ZFAT: variants seen among roughly 807,000 people sequenced by gnomAD.
ZFAT encodes the protein zinc finger and AT-hook domain containing, also known as zinc finger protein ZFAT.
A neutral mutation model predicts 117.7 loss-of-function variants in ZFAT; 64 were observed. The observed-to-expected ratio is 0.54, with a 90% CI of 0.44 to 0.67. The LOEUF (loss-of-function observed/expected upper bound fraction) is 0.67, where lower values mean the gene tolerates loss of function less well. Among genes scored for constraint, ZFAT ranks in the 30% least tolerant of loss-of-function variants. ZFAT has a pLI of 0.00. For missense variants in ZFAT, 1,433 were observed against 1,584.5 expected (o/e 0.90, Z 1.62); for synonymous variants, 679 against 615.0 (o/e 1.10, Z -1.54).
chr8:134,632,937 C>A (rs1586854650), intron 3 of ZFAT, among the ~76,000 whole-genome samples: 1 of 152,136 alleles, frequency 6.6e-6, no homozygotes, highest in East Asian at 1.9e-4. Flanking sequence ...AAACTGTTCA[C>A]AAAAGAGACT....
At chr8:134,732,415 G>A in the ZFAT span, among the ~76,000 whole-genome samples, 1 of 152,178 alleles carries the variant, frequency 6.6e-6, no homozygotes, top group Admixed American at 6.5e-5. Context: ...TGAGGAAGGG[G>A]CTTGTCACAA....
chr8:134,821,946 G>C, the ZFAT span, among the ~76,000 whole-genome samples: 1 of 152,082 alleles, frequency 6.6e-6, no homozygotes, highest in Non-Finnish European at 1.5e-5. Flanking sequence ...AAGTTGTTTG[G>C]TCTAATAAAC....
chr8:134,579,674 C>T (rs1177119886), intron 10 of ZFAT, among the ~76,000 whole-genome samples: 1 of 152,090 alleles, frequency 6.6e-6, no homozygotes, highest in African/African-American at 2.4e-5. Flanking sequence ...AAAAAAAGAA[C>T]ACATGGTGGC....
chr8:134,638,928 C>T (rs1449253544), intron 2 of ZFAT, among the ~76,000 whole-genome samples: 1 of 152,086 alleles, frequency 6.6e-6, no homozygotes, highest in Non-Finnish European at 1.5e-5. Context: ...CTTCAGCAAC[C>T]CTCTTTGAAC....
intron 4 of ZFAT, among the ~76,000 whole-genome samples, chr8:134,609,189 C>T (rs917873375): frequency 6.6e-6 from 1 of 151,664 alleles, no homozygotes; most frequent in African/African-American, 2.4e-5. Context: ...TATGTATATA[C>T]ATATACATAT....
chr8:134,719,091 C>T, the ZFAT span, among the ~76,000 whole-genome samples: 1 of 152,204 alleles, frequency 6.6e-6, no homozygotes, highest in African/African-American at 2.4e-5. Flanking sequence ...CTAGAGCAGA[C>T]AGCTTTGGAG....
At chr8:134,592,168 C>A (rs1383205651) in intron 7 of ZFAT, among the ~76,000 whole-genome samples, 1 of 152,230 alleles carries the variant, frequency 6.6e-6, no homozygotes, top group Non-Finnish European at 1.5e-5. Context: ...CTACTGTGAG[C>A]TCCCCAAGGC....
At chr8:134,769,458 C>T in the ZFAT span, among the ~76,000 whole-genome samples, 1 of 152,180 alleles carries the variant, frequency 6.6e-6, no homozygotes, top group Non-Finnish European at 1.5e-5. Flanking sequence ...CTCACTGATG[C>T]AAGAGGTGGG....
At chr8:134,668,791 G>A (rs924446958) in intron 1 of ZFAT, among the ~76,000 whole-genome samples, 7 of 152,156 alleles carry the variant, frequency 4.6e-5, no homozygotes, top group African/African-American at 7.2e-5. Flanking sequence ...GGCTTCAGAC[G>A]ATTGAACTTC....
the ZFAT span, among the ~76,000 whole-genome samples, chr8:134,825,573 C>T: frequency 1.3e-3 from 201 of 152,322 alleles, 1 homozygote; most frequent in African/African-American, 4.6e-3. Flanking sequence ...TCTATCAGCG[C>T]ATTAGAAGTT....
At chr8:134,597,885 A>G (rs1193915722) in intron 7 of ZFAT, 3 of 152,256 alleles carry the variant, frequency 2.0e-5, no homozygotes, top group Admixed American at 6.5e-5. Context: ...TTGTAAGGTC[A>G]ACTGAGTCAC....
In ZFAT at chr8:134,513,197, C is replaced by CTT. The variant is rs763874079; in HGVS notation, c.3235-598_3235-597dup. Among the ~76,000 whole-genome samples, 139 of 132,964 alleles carry CTT rather than the reference C, an allele frequency of 1.0e-3. 1 individual carries two copies. The highest frequency in any genetic ancestry group is 2.7e-3 in the African/African-American group (96 of 35,734). The allele number at this position is 132,964 out of a possible 152,430, so 87.2% of individuals were successfully genotyped here. ...GTTCAGAAAATCTTAGCTATTTGTG[C>CTT]TTTTTTTTTTTTTTTTTTGAGACAG... On this transcript the variant is annotated intron_variant, in intron 13 of 15. Coordinates refer to ENST00000377838, the MANE Select transcript of ZFAT (RefSeq NM_020863.4).
rs776278299 is a variant in ZFAT, at chr8:134,588,413, T to C, written c.2564-18A>G. The C allele has an allele frequency of 6.4e-7, 1 of 1,561,258 alleles. No homozygotes were observed. The highest frequency in any genetic ancestry group is 1.2e-5 in the South Asian group (1 of 83,482). On this transcript the variant is annotated intron_variant, in intron 8 of 15. Coordinates refer to ENST00000377838, the MANE Select transcript of ZFAT (RefSeq NM_020863.4). ...GGAGACCTCTAGAAGAAAAGCAGGATGTCAAAAGGAGTCAGAGCACCTCAG... is the reference window on the plus strand; with the variant it reads ...GGAGACCTCTAGAAGAAAAGCAGGACGTCAAAAGGAGTCAGAGCACCTCAG...
chr8:134,752,149 C>T, the ZFAT span, among the ~76,000 whole-genome samples: 1 of 152,188 alleles, frequency 6.6e-6, no homozygotes, highest in East Asian at 1.9e-4. Context: ...CATCACTGCT[C>T]ACCTTTGCAG....
the ZFAT span, among the ~76,000 whole-genome samples, chr8:134,753,201 TA>T: frequency 1.3e-5 from 2 of 150,144 alleles, no homozygotes; most frequent in Admixed American, 6.7e-5. Flanking sequence ...TCCCTGTCTC[TA>T]AAAAAAACAA....
At chr8:134,825,363 C>T in the ZFAT span, among the ~76,000 whole-genome samples, 2 of 152,316 alleles carry the variant, frequency 1.3e-5, no homozygotes, top group African/African-American at 4.8e-5. Context: ...TACCCCCTTC[C>T]CTCCCAGTAC....
chr8:134,605,398 T>G (rs1827808230), intron 5 of ZFAT, among the ~76,000 whole-genome samples: 1 of 151,758 alleles, frequency 6.6e-6, no homozygotes, highest in Non-Finnish European at 1.5e-5. Context: ...TACAAAAAAT[T>G]AGCTGGGTGT....
At chr8:134,778,154 A>G in the ZFAT span, among the ~76,000 whole-genome samples, 1 of 152,216 alleles carries the variant, frequency 6.6e-6, no homozygotes, top group Non-Finnish European at 1.5e-5. Context: ...TAAGCCTTTT[A>G]AAAATTAATT....
intron 3 of ZFAT, among the ~76,000 whole-genome samples, chr8:134,631,439 G>A (rs1052956034): frequency 3.3e-5 from 5 of 152,164 alleles, no homozygotes; most frequent in South Asian, 2.1e-4. Flanking sequence ...CGGGAGACAC[G>A]GGCCCCAACC....
Sources: allele counts gnomAD v4.1 joint callset (sites outside exome capture counted in the v4.1 genomes callset), GRCh38; gene constraint gnomAD v4.1.1; transcripts MANE v1.5; gene names NCBI Gene and HGNC (gene_info 2026-07-23, HGNC 2026-07-21).